SLC2A10: variants seen among roughly 807,000 people sequenced by gnomAD.
The protein encoded by SLC2A10 is solute carrier family 2 member 10.
SLC2A10 carries 25 observed loss-of-function variants against 32.1 expected under a neutral mutation model. The observed-to-expected ratio is 0.78, with a 90% CI of 0.57 to 1.09. The LOEUF (loss-of-function observed/expected upper bound fraction) is 1.09, where lower values mean the gene tolerates loss of function less well. SLC2A10 is among the 50% of genes least tolerant of loss of function. The pLI is 0.00. For missense variants in SLC2A10, 673 were observed against 686.5 expected, an observed-to-expected ratio of 0.98 and a Z score of 0.22; for synonymous variants, 332 against 309.6, an observed-to-expected ratio of 1.07 and a Z score of -0.76.
chr20:46,711,567 C>T (rs967859914), intron 1 of SLC2A10, among the ~76,000 whole-genome samples: 4 of 152,210 alleles, frequency 2.6e-5, no homozygotes, highest in Non-Finnish European at 5.9e-5. Flanking sequence ...TGTTCCTGCA[C>T]CTCCTATTCC....
intron 1 of SLC2A10, among the ~76,000 whole-genome samples, chr20:46,715,269 TGG>T (rs1979169399): frequency 6.6e-6 from 1 of 152,216 alleles, no homozygotes; most frequent in African/African-American, 2.4e-5. Context: ...TATTGTCCAT[TGG>T]CCTTATTGTC....
chr20:46,713,007 A>G (rs533330850), intron 1 of SLC2A10, among the ~76,000 whole-genome samples: 1 of 151,814 alleles, frequency 6.6e-6, no homozygotes, highest in Non-Finnish European at 1.5e-5. Flanking sequence ...GTCCATGGCC[A>G]CTTCCAGGCC....
chr20:46,719,943 T>G (rs772837305), intron 1 of SLC2A10, among the ~76,000 whole-genome samples: 12 of 152,190 alleles, frequency 7.9e-5, no homozygotes, highest in Non-Finnish European at 1.2e-4. Flanking sequence ...ACAGAGCAAG[T>G]GGCAGTGCTA....
chr20:46,726,809 T>C, intron 2 of SLC2A10, 55 bp from the exon 3 acceptor site: 2 of 1,612,780 alleles, frequency 1.2e-6, no homozygotes, highest in Non-Finnish European at 1.7e-6. Context: ...GACCTGATGG[T>C]GCCAGGCCCC....
In SLC2A10 at chr20:46,726,378, G is replaced by A; in HGVS notation, c.1288+54G>A. 1.9e-6 allele frequency: 3 copies of A among 1,584,958 alleles called. No individual in the cohort carries two copies. In the South Asian group the frequency reaches 3.4e-5, roughly 18 times the overall value. ...TGGAGACTTCTACCCCTCCTAGGGGGAAGTTTGGGGACTTCCCACCCTGAT... is the reference window on the plus strand; with the variant it reads ...TGGAGACTTCTACCCCTCCTAGGGGAAAGTTTGGGGACTTCCCACCCTGAT... On this transcript the variant is annotated intron_variant, in intron 2 of 4. Transcript: ENST00000359271.
At chr20:46,724,317 T>C (rs1163396646) in intron 1 of SLC2A10, among the ~76,000 whole-genome samples, 1 of 152,134 alleles carries the variant, frequency 6.6e-6, no homozygotes, top group Admixed American at 6.5e-5. Context: ...ATAAATAAAT[T>C]TAGATGGATG....
intron 1 of SLC2A10, among the ~76,000 whole-genome samples, chr20:46,720,582 A>G (rs1979495455): frequency 6.6e-6 from 1 of 152,220 alleles, no homozygotes; most frequent in Non-Finnish European, 1.5e-5. Flanking sequence ...TAAGATACGG[A>G]AGTCAGAATT....
At chr20:46,733,167 C>T (rs767880438) in intron 4 of SLC2A10, among the ~76,000 whole-genome samples, 1 of 152,130 alleles carries the variant, frequency 6.6e-6, no homozygotes, top group African/African-American at 2.4e-5. Flanking sequence ...GCACTCTGTA[C>T]AGGAAGAATG....
chr20:46,730,654 C>T (rs1231798477), intron 4 of SLC2A10, among the ~76,000 whole-genome samples: 1 of 152,070 alleles, frequency 6.6e-6, no homozygotes, highest in Non-Finnish European at 1.5e-5. Flanking sequence ...AAGGGAAGAG[C>T]GTGGAGGGTC....
intron 4 of SLC2A10, among the ~76,000 whole-genome samples, chr20:46,731,553 C>T (rs1257005994): frequency 6.6e-6 from 1 of 152,120 alleles, no homozygotes; most frequent in East Asian, 1.9e-4. Context: ...TGGGGTAAGG[C>T]AGGATGTGAC....
intron 1 of SLC2A10, among the ~76,000 whole-genome samples, chr20:46,715,819 T>G (rs1979206231): frequency 2.0e-5 from 3 of 152,186 alleles, no homozygotes. Flanking sequence ...TATCCTCAGC[T>G]GCTTACAACT....
chr20:46,719,698 A>G (rs529096235), intron 1 of SLC2A10, among the ~76,000 whole-genome samples: 22 of 152,348 alleles, frequency 1.4e-4, no homozygotes, highest in African/African-American at 5.0e-4. Context: ...CAGCCAAATC[A>G]TATCAGAAGT....
chr20:46,730,257 T>C (rs1187335924), intron 4 of SLC2A10, among the ~76,000 whole-genome samples: 1 of 152,162 alleles, frequency 6.6e-6, no homozygotes, highest in Non-Finnish European at 1.5e-5. Flanking sequence ...GGAAACATGC[T>C]GAGATTAAGG....
chr20:46,728,604 G>GTTTTT (rs778644499), intron 3 of SLC2A10, among the ~76,000 whole-genome samples: 14 of 101,330 alleles, frequency 1.4e-4, no homozygotes, highest in Non-Finnish European at 1.9e-4. Flanking sequence ...TTCTGGGTGT[G>GTTTTT]TTTTTTTTTT....
chr20:46,726,747 A>T, intron 2 of SLC2A10, 117 bp from the exon 3 acceptor site: 1 of 1,352,908 alleles, frequency 7.4e-7, no homozygotes, highest in Non-Finnish European at 1.1e-6. Flanking sequence ...GTGGGAGTTT[A>T]GTATCAGGAG....
chr20:46,719,927 G>A lies in SLC2A10; in HGVS notation c.5-5114G>A, dbSNP rs73313088. ...CAAAGAGAAGAAGCAGCTTGCCCAG[G>A]GTGGCACAGAGCAAGTGGCAGTGCT... On this transcript the variant is annotated intron_variant, in intron 1 of 4. Coordinates refer to ENST00000359271, the MANE Select transcript of SLC2A10 (RefSeq NM_030777.4). Among the ~76,000 whole-genome samples the A allele has an allele frequency of 3.3e-3, 503 of 152,312 alleles. 6 individuals are homozygous for A. The highest frequency in any genetic ancestry group is 0.011 in the African/African-American group (477 of 41,576).
chr20:46,711,229 T>C (rs2122992251), intron 1 of SLC2A10, among the ~76,000 whole-genome samples: 1 of 152,284 alleles, frequency 6.6e-6, no homozygotes, highest in Non-Finnish European at 1.5e-5. Flanking sequence ...CTGGCTATGA[T>C]GTAGGTAAGC....
intron 1 of SLC2A10, among the ~76,000 whole-genome samples, chr20:46,718,389 C>T (rs928941240): frequency 3.3e-5 from 5 of 152,144 alleles, no homozygotes; most frequent in South Asian, 2.1e-4. Context: ...TGAGTTTTAG[C>T]GATCAACTAT....
rs180856665 is a variant in SLC2A10, at chr20:46,732,679, C to T, written c.1548-1077C>T. Reference sequence around the variant, plus strand: ...CAAGCACGGTGATATTTTTGTGTATCGGTTTCACTCACTGCCCTGTTTCCA... The same window carrying T: ...CAAGCACGGTGATATTTTTGTGTATTGGTTTCACTCACTGCCCTGTTTCCA... On this transcript the variant is annotated intron_variant, in intron 4 of 4. Coordinates refer to ENST00000359271, the MANE Select transcript of SLC2A10 (RefSeq NM_030777.4). 5.3e-5 allele frequency among the ~76,000 whole-genome samples: 8 copies of T among 151,630 alleles called. No individual in the cohort carries two copies. In the East Asian group the frequency reaches 1.4e-3, roughly 26 times the overall value.
Sources: allele counts gnomAD v4.1 joint callset (sites outside exome capture counted in the v4.1 genomes callset), GRCh38; gene constraint gnomAD v4.1.1; transcripts MANE v1.5; gene names NCBI Gene and HGNC (gene_info 2026-07-23, HGNC 2026-07-21).